TMEM135: variants seen among roughly 807,000 people sequenced by gnomAD.
TMEM135 encodes the protein peroxisomal membrane protein 52.
A neutral mutation model predicts 60.3 loss-of-function variants in TMEM135; 30 were observed. That is an observed-to-expected ratio of 0.50 (90% CI 0.37 to 0.68). The LOEUF is 0.68. TMEM135 is among the 30% of genes least tolerant of loss of function. The pLI is 0.00. For synonymous variants in TMEM135, 190 were observed against 186.7 expected, an observed-to-expected ratio of 1.02 and a Z score of -0.14; for missense variants, 468 against 548.8, an observed-to-expected ratio of 0.85 and a Z score of 1.47.
chr11:87,209,645 A>G (rs1364747627), intron 5 of TMEM135, among the ~76,000 whole-genome samples: 2 of 152,144 alleles, frequency 1.3e-5, no homozygotes, highest in Admixed American at 6.5e-5. Context: ...GCAGAAAACT[A>G]ACAAAGATAT....
intron 4 of TMEM135, among the ~76,000 whole-genome samples, chr11:87,107,094 A>T (rs1159749980): frequency 6.6e-6 from 1 of 152,196 alleles, no homozygotes; most frequent in East Asian, 1.9e-4. Flanking sequence ...CACTTGTAGC[A>T]TTGAGGATTG....
At chr11:87,277,750 A>C (rs1941994209) in intron 6 of TMEM135, among the ~76,000 whole-genome samples, 1 of 151,680 alleles carries the variant, frequency 6.6e-6, no homozygotes, top group African/African-American at 2.4e-5. Context: ...TCGAACTCCT[A>C]ACCTTAGGTG....
chr11:87,216,993 T>C (rs992539644), intron 5 of TMEM135, among the ~76,000 whole-genome samples: 1 of 152,202 alleles, frequency 6.6e-6, no homozygotes, highest in Admixed American at 6.5e-5. Context: ...GATGGAGGCA[T>C]ATCATTTGGT....
rs145162068 is a variant in TMEM135, at chr11:87,054,390, C to T, written c.142-13304C>T. ...CAGAGGTTGCGATGAGCCTAGATTG[C>T]GCCACTGGACTCCAGCCTGGCAACA... is the stretch of plus-strand genomic sequence containing the variant. On this transcript the variant is annotated intron_variant, in intron 1 of 14. Coordinates refer to ENST00000305494, the MANE Select transcript of TMEM135 (RefSeq NM_022918.4). Among the ~76,000 whole-genome samples, 248 of 152,004 alleles carry T rather than the reference C, an allele frequency of 1.6e-3. 4 individuals are homozygous for T. Among genetic ancestry groups the T allele is most frequent in the African/African-American group, 5.5e-3 (229 of 41,440 alleles).
At chr11:87,158,488 G>A (rs866072093) in intron 5 of TMEM135, among the ~76,000 whole-genome samples, 2 of 146,018 alleles carry the variant, frequency 1.4e-5, no homozygotes, top group Admixed American at 6.9e-5. Flanking sequence ...TTGAGACAGA[G>A]TCTCACTCTG....
At chr11:87,200,090 C>G (rs1041122412) in intron 5 of TMEM135, among the ~76,000 whole-genome samples, 7 of 152,050 alleles carry the variant, frequency 4.6e-5, no homozygotes, top group African/African-American at 1.7e-4. Flanking sequence ...TGTTAAAAAG[C>G]TCTCATTGAA....
In TMEM135 at chr11:87,309,566, C is replaced by T; in HGVS notation, c.830C>T (p.Ala277Val). The T allele has an allele frequency of 6.2e-7, 1 of 1,613,850 alleles. No homozygotes were observed. The highest frequency in any genetic ancestry group is 8.5e-7 in the Non-Finnish European group (1 of 1,179,820). Residue 277 changes from alanine to valine, a missense_variant, in exon 10 of 15, where the codon GCA becomes GTA. Transcript: ENST00000305494. ...LIQCCLRIPSAFRHLFTQPSR... is the reference protein window; with the variant it reads ...LIQCCLRIPSVFRHLFTQPSR... ...CAGTGCTGCCTCCGAATCCCTTCTG[C>T]ATTTAGGCATCTGTTTACACAGCCA...
At chr11:87,219,773 T>C (rs955022424) in intron 5 of TMEM135, among the ~76,000 whole-genome samples, 3 of 152,162 alleles carry the variant, frequency 2.0e-5, no homozygotes, top group African/African-American at 7.2e-5. Context: ...AATCAGACAA[T>C]AGTTTTCTGT....
Position 87,328,739 on chromosome 11 carries a change from A to T in TMEM135, c.*7406A>T. 3 of 453,786 alleles carry T rather than the reference A, an allele frequency of 6.6e-6. No homozygotes were observed. Among genetic ancestry groups the T allele is most frequent in the South Asian group, 3.1e-5 (2 of 64,462 alleles). 28.1% of individuals were successfully genotyped at this position (453,786 alleles called of 1,614,324 possible). On this transcript the variant is annotated 3_prime_UTR_variant, in exon 15 of 15. Coordinates refer to ENST00000305494, the MANE Select transcript of TMEM135 (RefSeq NM_022918.4). ...CATATATACCACATTTTCTTTATCC[A>T]CTCATTGGTCTATGGGCACTTTGGT...
rs755552251 is a variant in TMEM135, at chr11:87,325,795, C to A, written c.*4462C>A. The A allele has an allele frequency of 3.1e-5, 14 of 453,882 alleles. 1 individual carries two copies. Among genetic ancestry groups the A allele is most frequent in the South Asian group, 2.2e-4 (14 of 64,460 alleles). 28.1% of individuals were successfully genotyped at this position (453,882 alleles called of 1,614,324 possible). ...GGAGATGTTTCTCTGTATGTGAAGC[C>A]TTTAAATCCAGAACAATTAATTTCT... On this transcript the variant is annotated 3_prime_UTR_variant, in exon 15 of 15. Transcript: ENST00000305494.
intron 5 of TMEM135, among the ~76,000 whole-genome samples, chr11:87,175,750 C>T (rs1433753514): frequency 6.6e-5 from 10 of 152,022 alleles, no homozygotes; most frequent in East Asian, 5.8e-4. Context: ...GCTGTACCTC[C>T]GCTACACCAA....
intron 5 of TMEM135, among the ~76,000 whole-genome samples, chr11:87,223,448 G>T (rs1455944804): frequency 6.6e-6 from 1 of 151,942 alleles, no homozygotes; most frequent in African/African-American, 2.4e-5. Flanking sequence ...GGGATTACAC[G>T]CGTGAGCCAC....
intron 6 of TMEM135, among the ~76,000 whole-genome samples, chr11:87,275,394 T>G (rs1941949951): frequency 6.6e-6 from 1 of 152,178 alleles, no homozygotes; most frequent in South Asian, 2.1e-4. Flanking sequence ...TATCAGATGC[T>G]TATTGGTTGG....
intron 4 of TMEM135, among the ~76,000 whole-genome samples, chr11:87,108,486 A>G (rs1857656480): frequency 6.6e-6 from 1 of 151,404 alleles, no homozygotes; most frequent in South Asian, 2.1e-4. Context: ...TGTCAATTTT[A>G]TTTAAAAAAA....
chr11:87,193,979 A>G (rs75937733), intron 5 of TMEM135, among the ~76,000 whole-genome samples: 13,586 of 151,944 alleles, frequency 0.089, 671 homozygotes, highest in African/African-American at 0.12. Context: ...TGCTTTTTTC[A>G]CTTACTAGCA....
At chr11:87,160,436 T>C (rs575117578) in intron 5 of TMEM135, among the ~76,000 whole-genome samples, 2 of 152,340 alleles carry the variant, frequency 1.3e-5, no homozygotes, top group South Asian at 2.1e-4. Flanking sequence ...GGTCATCTTA[T>C]AGATGAACTG....
At chr11:87,293,501 C>T (rs1356145011) in intron 6 of TMEM135, among the ~76,000 whole-genome samples, 1 of 152,030 alleles carries the variant, frequency 6.6e-6, no homozygotes, top group Non-Finnish European at 1.5e-5. Context: ...CCTCCAACTT[C>T]CCTCCCCTCA....
chr11:87,314,461 C>T lies in TMEM135; in HGVS notation c.1001-10C>T. On this transcript the variant is annotated splice_polypyrimidine_tract_variant and intron_variant, in intron 11 of 14. Coordinates refer to ENST00000305494, the MANE Select transcript of TMEM135 (RefSeq NM_022918.4). ...CGATCTTATCAGTTATTTCTTATTT[C>T]TTGTTTCAGGATTTTTGGCAGGTAT... is the stretch of plus-strand genomic sequence containing the variant. 1 of 1,602,602 alleles carries T rather than the reference C, an allele frequency of 6.2e-7. No individual in the cohort carries two copies. Among genetic ancestry groups the T allele is most frequent in the Non-Finnish European group, 8.5e-7 (1 of 1,170,816 alleles).
intron 6 of TMEM135, among the ~76,000 whole-genome samples, chr11:87,239,299 T>A (rs1385389273): frequency 6.6e-6 from 1 of 152,080 alleles, no homozygotes; most frequent in African/African-American, 2.4e-5. Flanking sequence ...AATTCGCTGT[T>A]CTTGGCAGAA....
Sources: gnomAD v4.1 joint callset for allele counts (sites outside exome capture counted in the v4.1 genomes callset) on GRCh38, gnomAD v4.1.1 for gene constraint, MANE v1.5 for transcripts, NCBI Gene and HGNC (gene_info 2026-07-23, HGNC 2026-07-21) for gene names.